The following DOC2A variants were observed in gnomAD, a reference collection of about 807,000 sequenced individuals.
DOC2A encodes double C2-like domain-containing protein alpha.
A neutral mutation model predicts 40.6 loss-of-function variants in DOC2A; 28 were observed. The observed-to-expected ratio is 0.69, with a 90% CI of 0.51 to 0.95. The LOEUF is 0.95. DOC2A is among the 40% of genes least tolerant of loss of function. The pLI, the probability that DOC2A is intolerant of heterozygous loss-of-function variation, is 0.00. For synonymous variants in DOC2A, 241 were observed against 236.9 expected (o/e 1.02, Z -0.16); for missense variants, 474 against 552.5 (o/e 0.86, Z 1.42).
In DOC2A at chr16:30,006,805, G is replaced by A; in HGVS notation, c.858C>T (p.Tyr286=). 1.2e-6 allele frequency: 2 copies of A among 1,613,788 alleles called. No homozygotes were observed. The highest frequency in any genetic ancestry group is 1.7e-6 in the Non-Finnish European group (2 of 1,179,954). Residue 286 remains tyrosine (Y), a synonymous_variant, in exon 8 of 11, where the codon TAC becomes TAT. Coordinates refer to ENST00000350119, the MANE Select transcript of DOC2A (RefSeq NM_003586.3). The surrounding 1 kb of genome is among the most constrained non-coding windows in gnomAD (Gnocchi z 6.2). The part of the protein sequence containing the change: ...AHLAAMDVNG[Y]SDPYVKTYLR... ...CTCACGTCTTGACGTAGGGGTCCGA[G>A]TAACCGTTGACGTCCATGGCAGCCA... is the stretch of plus-strand genomic sequence containing the variant.
At chr16:30,019,776 C>A (rs1425942541) in intron 1 of DOC2A, among the ~76,000 whole-genome samples, 5 of 152,158 alleles carry the variant, frequency 3.3e-5, no homozygotes, top group Non-Finnish European at 7.4e-5. Context: ...CGAGTGTCAC[C>A]CAGGCTGGAG....
Position 30,010,585 on chromosome 16 carries a change from C to G in DOC2A, c.-14+318G>C, listed in dbSNP as rs920786836. 2.9e-6 allele frequency: 1 copy of G among 346,542 alleles called. No homozygotes were observed. The highest frequency in any genetic ancestry group is 5.5e-6 in the Non-Finnish European group (1 of 182,074). The allele number at this position is 346,542 out of a possible 1,614,324, so 21.5% of individuals were successfully genotyped here. A position where few individuals can be genotyped will look rare whatever the true frequency, so the allele number is the denominator to read the frequency against. ...CCTGCCTGTCCCCCAAGGGGCCCTGCAGGGCCCCGCCTCTGTTTCTCGGAG... is the reference window on the plus strand; with the variant it reads ...CCTGCCTGTCCCCCAAGGGGCCCTGGAGGGCCCCGCCTCTGTTTCTCGGAG... On this transcript the variant is annotated intron_variant, in intron 1 of 10. Coordinates refer to ENST00000350119, the MANE Select transcript of DOC2A (RefSeq NM_003586.3). This position sits in a 1 kb window ranked among gnomAD's most constrained non-coding sequence, Gnocchi z 4.2.
rs565034123 is a variant in DOC2A, at chr16:30,009,385, G to A, written c.342+93C>T. The A allele has an allele frequency of 2.3e-5, 35 of 1,490,896 alleles. No homozygotes were observed. Among genetic ancestry groups the A allele is most frequent in the Admixed American group, 1.6e-4 (8 of 50,900 alleles). The allele number at this position is 1,490,896 out of a possible 1,614,324, so 92.4% of individuals were successfully genotyped here. On this transcript the variant is annotated intron_variant, in intron 3 of 10. Transcript: ENST00000350119. This position sits in a 1 kb window ranked among gnomAD's most constrained non-coding sequence, Gnocchi z 4.1. ...CAGAAGGAGGGGGCAAGGGCAGGAC[G>A]AAGGAGCAGGCCTGGGAAGGGAAGG...
Position 30,010,373 on chromosome 16 carries a change from G to A in DOC2A, c.-13-138C>T. The A allele has an allele frequency of 8.1e-7, 1 of 1,239,168 alleles. No individual in the cohort carries two copies. The highest frequency in any genetic ancestry group is 1.2e-5 in the South Asian group (1 of 80,654). 76.8% of individuals were successfully genotyped at this position (1,239,168 alleles called of 1,614,324 possible). A position where few individuals can be genotyped will look rare whatever the true frequency, so the allele number is the denominator to read the frequency against. On this transcript the variant is annotated intron_variant, in intron 1 of 10. Transcript: ENST00000350119. The surrounding 1 kb of genome is among the most constrained non-coding windows in gnomAD (Gnocchi z 4.2). ...TCGAGGGAGAGGGTGGTGTGTGCCA[G>A]CCGGTGGCAGGTGGGAGGCCTGGGC...
upstream of DOC2A, among the ~76,000 whole-genome samples, chr16:30,016,048 TA>T (rs1238102485): frequency 1.6e-3 from 42 of 26,718 alleles, no homozygotes; most frequent in Admixed American, 8.0e-3. Context: ...TATATATATA[TA>T]TATATATTTT....
In DOC2A at chr16:30,009,370, GGGCAAGGGCAGGACGAAGGAGCA is replaced by G; in HGVS notation, c.342+85_343-95del. 1 of 1,491,786 alleles carries G rather than the reference GGGCAAGGGCAGGACGAAGGAGCA, an allele frequency of 6.7e-7. No homozygotes were observed. Among genetic ancestry groups the G allele is most frequent in the Non-Finnish European group, 9.1e-7 (1 of 1,093,966 alleles). 92.4% of individuals were successfully genotyped at this position (1,491,786 alleles called of 1,614,324 possible). A position where few individuals can be genotyped will look rare whatever the true frequency, so the allele number is the denominator to read the frequency against. ...GACCCTGGAGGAGCCCAGAAGGAGG[GGGCAAGGGCAGGACGAAGGAGCA>G]GGCCTGGGAAGGGAAGGAGGAATGG... is the stretch of plus-strand genomic sequence containing the variant. On this transcript the variant is annotated intron_variant, in intron 3 of 10. Coordinates refer to ENST00000350119, the MANE Select transcript of DOC2A (RefSeq NM_003586.3). This position sits in a 1 kb window ranked among gnomAD's most constrained non-coding sequence, Gnocchi z 4.1.
At chr16:30,016,055 ATTTT>A (rs59271933), upstream of DOC2A, among the ~76,000 whole-genome samples, 10 of 16,894 alleles carry the variant, frequency 5.9e-4, no homozygotes, top group African/African-American at 1.9e-3. Flanking sequence ...ATATATATAT[ATTTT>A]TTTTTTTTTT....
At position 30,006,839 on chromosome 16, in the gene DOC2A, C is replaced by T; in HGVS notation, c.824G>A (p.Cys275Tyr). ...GACGTCCATGGCAGCCAGATGGGCG[C>T]AGCGCAAGATGCCTACCAGCAGTCC... The part of the protein sequence containing the change: ...RRGLLVGILR[C>Y]AHLAAMDVNG... Residue 275 changes from cysteine to tyrosine, a missense_variant, in exon 8 of 11, where the codon TGC (cysteine) becomes TAC (tyrosine). Coordinates refer to ENST00000350119, the MANE Select transcript of DOC2A (RefSeq NM_003586.3). This position sits in a 1 kb window ranked among gnomAD's most constrained non-coding sequence, Gnocchi z 6.2. The T allele has an allele frequency of 6.2e-7, 1 of 1,613,776 alleles. No homozygotes were observed. The highest frequency in any genetic ancestry group is 8.5e-7 in the Non-Finnish European group (1 of 1,179,866).
chr16:30,007,404 C>A (rs2070648586), intron 5 of DOC2A, 105 bp from the exon 6 acceptor site: 2 of 1,505,012 alleles, frequency 1.3e-6, no homozygotes, highest in African/African-American at 2.7e-5. Context: ...CACTACGTCT[C>A]ATCTGGAAGA....
At chr16:30,022,079 T>A (rs964684980), upstream of DOC2A, among the ~76,000 whole-genome samples, 1 of 150,884 alleles carries the variant, frequency 6.6e-6, no homozygotes, top group African/African-American at 2.4e-5. Flanking sequence ...TGAAACCCCA[T>A]CTCTACTAAA....
chr16:30,006,170 G>T lies in DOC2A; in HGVS notation c.*16C>A. The T allele has an allele frequency of 1.3e-6, 2 of 1,569,018 alleles. No homozygotes were observed. The highest frequency in any genetic ancestry group is 2.3e-5 in the East Asian group (1 of 42,858). ...GACCCGGCTCGATGGGCCTGTGCCGGGACACTGCTGTCCACTCAGGCTGAG... is the reference window on the plus strand; with the variant it reads ...GACCCGGCTCGATGGGCCTGTGCCGTGACACTGCTGTCCACTCAGGCTGAG... On this transcript the variant is annotated 3_prime_UTR_variant, in exon 11 of 11. Coordinates refer to ENST00000350119, the MANE Select transcript of DOC2A (RefSeq NM_003586.3). The surrounding 1 kb of genome is among the most constrained non-coding windows in gnomAD (Gnocchi z 6.2).
chr16:30,018,279 CAA>C (rs59765302), intron 1 of DOC2A, among the ~76,000 whole-genome samples: 18 of 119,110 alleles, frequency 1.5e-4, no homozygotes, highest in Admixed American at 4.5e-4. Context: ...GATGCTGTCT[CAA>C]AAAAAAAAAA....
At chr16:30,020,186 G>A (rs2070894822) in intron 1 of DOC2A, among the ~76,000 whole-genome samples, 3 of 152,070 alleles carry the variant, frequency 2.0e-5, no homozygotes, top group Admixed American at 2.0e-4. Context: ...TGGGATTATA[G>A]GTGTGAGCCA....
rs1445937607 is a variant in DOC2A at position 30,007,039 on chromosome 16, G to C, written c.706C>G (p.Leu236Val). The change falls in exon 7 of 11, where the codon CTG becomes GTG. Residue 236 changes from leucine (L) to valine (V), a missense_variant. By Grantham distance (32) the Leu-to-Val change is conservative (BLOSUM62 1). Coordinates refer to ENST00000350119, the MANE Select transcript of DOC2A (RefSeq NM_003586.3). The stretch of plus-strand genomic sequence containing the variant: ...CCCATGAGGTGCCTCACCTCCTTCA[G>C]ATAACAGGAGATGCCCCTCAGCGCC... ...SAALRGISCYLKELEQAEQGQ... is the reference protein window; with the variant it reads ...SAALRGISCYVKELEQAEQGQ... The C allele has an allele frequency of 1.9e-6, 3 of 1,613,776 alleles. No homozygotes were observed. Among genetic ancestry groups the C allele is most frequent in the Non-Finnish European group, 2.5e-6 (3 of 1,179,974 alleles).
chr16:30,005,628 A>C lies in DOC2A; in HGVS notation c.*558T>G. 1.6e-6 allele frequency: 1 copy of C among 621,016 alleles called. No individual in the cohort carries two copies. Among genetic ancestry groups the C allele is most frequent in the Non-Finnish European group, 2.8e-6 (1 of 358,552 alleles). 38.5% of individuals were successfully genotyped at this position (621,016 alleles called of 1,614,324 possible). A position where few individuals can be genotyped will look rare whatever the true frequency, so the allele number is the denominator to read the frequency against. On this transcript the variant is annotated 3_prime_UTR_variant, in exon 11 of 11. Transcript: ENST00000350119. The stretch of plus-strand genomic sequence containing the variant: ...GGAGGGTGGCAGGGGCCCTGCCTTC[A>C]AACCCCGGCCCCCTCCAGGGGACAG...
Position 30,010,980 on chromosome 16 carries a change from C to T in DOC2A, c.-91G>A, listed in dbSNP as rs2070762890. The T allele has an allele frequency of 2.0e-6, 2 of 1,002,638 alleles. No homozygotes were observed. Among genetic ancestry groups the T allele is most frequent in the Non-Finnish European group, 2.4e-6 (2 of 840,072 alleles). 62.1% of individuals were successfully genotyped at this position (1,002,638 alleles called of 1,614,324 possible). A position where few individuals can be genotyped will look rare whatever the true frequency, so the allele number is the denominator to read the frequency against. ...GCGGCGGCGGCCGGCGAGGAGAGCG[C>T]GGAGTCGAGCTGTGCGAGCCGAGAG... On this transcript the variant is annotated 5_prime_UTR_variant, in exon 1 of 11. Coordinates refer to ENST00000350119, the MANE Select transcript of DOC2A (RefSeq NM_003586.3). This position sits in a 1 kb window ranked among gnomAD's most constrained non-coding sequence, Gnocchi z 4.2.
intron 5 of DOC2A, chr16:30,007,803 T>TAC (rs935697643): frequency 4.1e-4 from 94 of 227,544 alleles, no homozygotes; most frequent in African/African-American, 2.1e-3. Context: ...AGTGACCCAC[T>TAC]ACCAGGCTGG....
chr16:30,007,586 G>A (rs74392299), intron 5 of DOC2A: 11 of 483,302 alleles, frequency 2.3e-5, no homozygotes, highest in Non-Finnish European at 3.8e-5. Flanking sequence ...GGCAGGAGCC[G>A]AACACCACGG....
chr16:30,010,350 G>T lies in DOC2A; in HGVS notation c.-13-115C>A. ...TCACTGGCCTCCCTTCCTAGGTGTC[G>T]AGGGAGAGGGTGGTGTGTGCCAGCC... On this transcript the variant is annotated intron_variant, in intron 1 of 10. Coordinates refer to ENST00000350119, the MANE Select transcript of DOC2A (RefSeq NM_003586.3). The surrounding 1 kb of genome is among the most constrained non-coding windows in gnomAD (Gnocchi z 4.2). 3 of 1,420,510 alleles carry T rather than the reference G, an allele frequency of 2.1e-6. No homozygotes were observed. Among genetic ancestry groups the T allele is most frequent in the East Asian group, 4.6e-5 (2 of 43,440 alleles). The allele number at this position is 1,420,510 out of a possible 1,614,324, so 88.0% of individuals were successfully genotyped here.
Sources: gnomAD v4.1 joint callset for allele counts (sites outside exome capture counted in the v4.1 genomes callset) on GRCh38, gnomAD v4.1.1 for gene constraint, Gnocchi (gnomAD v3.1) non-coding constraint, MANE v1.5 for transcripts, NCBI Gene and HGNC (gene_info 2026-07-23, HGNC 2026-07-21) for gene names.